The following SRPK2 variants were observed in gnomAD, a reference collection of about 807,000 sequenced individuals.
The protein encoded by SRPK2 is SRSF protein kinase 2.
Under a neutral mutation model 90.8 loss-of-function variants are expected in SRPK2, and 21 were observed. The observed-to-expected ratio is 0.23, with a 90% CI of 0.16 to 0.33. The LOEUF (loss-of-function observed/expected upper bound fraction) is 0.33. Among genes scored for constraint, SRPK2 ranks in the 10% least tolerant of loss-of-function variants. The pLI, the probability that SRPK2 is intolerant of heterozygous loss-of-function variation, is 1.00. For synonymous variants in SRPK2, 288 were observed against 311.1 expected, an observed-to-expected ratio of 0.93 and a Z score of 0.78; for missense variants, 620 against 869.0, an observed-to-expected ratio of 0.71 and a Z score of 3.60.
At chr7:105,355,313 C>T (rs1291329066) in intron 2 of SRPK2, among the ~76,000 whole-genome samples, 1 of 151,702 alleles carries the variant, frequency 6.6e-6, no homozygotes, top group African/African-American at 2.4e-5. Flanking sequence ...CTGCGCAACA[C>T]GGCAAGACCT....
At chr7:105,385,429 G>C (rs1335948497) in intron 2 of SRPK2, among the ~76,000 whole-genome samples, 1 of 151,722 alleles carries the variant, frequency 6.6e-6, no homozygotes, top group Non-Finnish European at 1.5e-5. Flanking sequence ...GCCCGCCTCG[G>C]CCTCCCAAAG....
chr7:105,181,985 T>G (rs1792912722), intron 3 of SRPK2, among the ~76,000 whole-genome samples: 1 of 151,402 alleles, frequency 6.6e-6, no homozygotes, highest in Non-Finnish European at 1.5e-5. Flanking sequence ...TCCCAGCACT[T>G]TCGGGGGCCA....
At chr7:105,158,475 A>G (rs1245476116) in intron 7 of SRPK2, among the ~76,000 whole-genome samples, 1 of 152,056 alleles carries the variant, frequency 6.6e-6, no homozygotes, top group Non-Finnish European at 1.5e-5. Context: ...GGCTGGTCTC[A>G]ATCTCCTGAC....
At chr7:105,245,204 T>G (rs1316342080) in intron 2 of SRPK2, among the ~76,000 whole-genome samples, 1 of 152,202 alleles carries the variant, frequency 6.6e-6, no homozygotes, top group African/African-American at 2.4e-5. Context: ...TAAAGCTCCT[T>G]GCGTCTCGAG....
At chr7:105,220,623 C>T (rs946352255) in intron 2 of SRPK2, among the ~76,000 whole-genome samples, 2 of 152,180 alleles carry the variant, frequency 1.3e-5, no homozygotes, top group Non-Finnish European at 2.9e-5. Context: ...TCATACTTAG[C>T]TAAAACAAAG....
At chr7:105,225,094 A>C (rs1247033670) in intron 2 of SRPK2, among the ~76,000 whole-genome samples, 1 of 152,130 alleles carries the variant, frequency 6.6e-6, no homozygotes, top group Non-Finnish European at 1.5e-5. Flanking sequence ...TGGAAGGCTG[A>C]GGTGGGAGGA....
At chr7:105,392,225 G>A (rs1822199361), upstream of SRPK2, among the ~76,000 whole-genome samples, 2 of 152,146 alleles carry the variant, frequency 1.3e-5, no homozygotes, top group African/African-American at 4.8e-5. Context: ...CTGCTTAATG[G>A]GTACCAAGTT....
chr7:105,181,490 A>G (rs1792801014), intron 3 of SRPK2, among the ~76,000 whole-genome samples: 1 of 152,230 alleles, frequency 6.6e-6, no homozygotes, highest in Non-Finnish European at 1.5e-5. Flanking sequence ...TAGACTGGAT[A>G]AAGAAACCGT....
chr7:105,361,716 C>A (rs1157263570), intron 2 of SRPK2, among the ~76,000 whole-genome samples: 3 of 152,104 alleles, frequency 2.0e-5, no homozygotes, highest in East Asian at 3.8e-4. Flanking sequence ...CAAAAACAAG[C>A]AATGGGGAAA....
At position 105,339,114 on chromosome 7, in the gene SRPK2, C is replaced by T. The variant is rs184660252; in HGVS notation, c.71+49534G>A. Among the ~76,000 whole-genome samples, 107 of 152,218 alleles carry T rather than the reference C, an allele frequency of 7.0e-4. 1 individual carries two copies. Among genetic ancestry groups the T allele is most frequent in the African/African-American group, 2.5e-3 (102 of 41,518 alleles). ...TTTTGAAAGGACAGATATTCAAGTA[C>T]GCGCCTTTGATCCATTCTTGCGTTA... On this transcript the variant is annotated intron_variant, in intron 2 of 15. Coordinates refer to ENST00000393651, the MANE Select transcript of SRPK2 (RefSeq NM_182692.3).
intron 2 of SRPK2, among the ~76,000 whole-genome samples, chr7:105,300,336 T>C (rs1175920683): frequency 6.6e-6 from 1 of 151,788 alleles, no homozygotes; most frequent in Admixed American, 6.6e-5. Flanking sequence ...GTGACTTGTA[T>C]AGTTATACAT....
At chr7:105,263,019 A>G (rs1804527445) in intron 2 of SRPK2, among the ~76,000 whole-genome samples, 1 of 152,186 alleles carries the variant, frequency 6.6e-6, no homozygotes, top group African/African-American at 2.4e-5. Flanking sequence ...ATTAACCAAA[A>G]GACATGTATG....
intron 10 of SRPK2, 89 bp downstream of exon 10, chr7:105,142,995 G>C: frequency 6.7e-7 from 1 of 1,500,232 alleles, no homozygotes; most frequent in Non-Finnish European, 9.0e-7. Context: ...TGCAGCAGCA[G>C]CACAAATCAG....
At chr7:105,361,529 C>T (rs1818422683) in intron 2 of SRPK2, among the ~76,000 whole-genome samples, 1 of 152,128 alleles carries the variant, frequency 6.6e-6, no homozygotes, top group African/African-American at 2.4e-5. Context: ...CAATCCTAAG[C>T]AAAAAGAATA....
chr7:105,121,284 G>C (rs969041161), intron 15 of SRPK2, among the ~76,000 whole-genome samples: 4 of 151,554 alleles, frequency 2.6e-5, no homozygotes, highest in African/African-American at 9.7e-5. Context: ...GGCAGAGGTT[G>C]CAATGAGCCA....
intron 2 of SRPK2, among the ~76,000 whole-genome samples, chr7:105,285,513 A>G (rs1349180841): frequency 1.3e-5 from 2 of 152,116 alleles, no homozygotes; most frequent in African/African-American, 2.4e-5. Flanking sequence ...TGTGGTTTAG[A>G]TATTTGTCCA....
intron 2 of SRPK2, among the ~76,000 whole-genome samples, chr7:105,314,065 T>C (rs983093886): frequency 3.9e-5 from 6 of 152,146 alleles, no homozygotes; most frequent in African/African-American, 9.6e-5. Flanking sequence ...GCAAAACCAG[T>C]TGGGCGTGGT....
intron 2 of SRPK2, among the ~76,000 whole-genome samples, chr7:105,345,134 C>A (rs996043455): frequency 1.2e-4 from 16 of 128,582 alleles, no homozygotes; most frequent in African/African-American, 4.5e-4. Context: ...GACACTCCAT[C>A]AAGGACAGGA....
At chr7:105,136,383 C>T (rs547248203) in intron 11 of SRPK2, among the ~76,000 whole-genome samples, 46 of 152,318 alleles carry the variant, frequency 3.0e-4, no homozygotes, top group Admixed American at 1.2e-3. Context: ...GACTGAGTCA[C>T]CACAGTAGTG....
Sources: allele counts gnomAD v4.1 joint callset (sites outside exome capture counted in the v4.1 genomes callset), GRCh38; gene constraint gnomAD v4.1.1; transcripts MANE v1.5; gene names NCBI Gene and HGNC (gene_info 2026-07-23, HGNC 2026-07-21).